Variants in SNX14 observed in about 807,000 individuals in gnomAD.
SNX14 encodes the protein sorting nexin-14.
SNX14 carries 93 observed loss-of-function variants against 133.8 expected under a neutral mutation model. That is an observed-to-expected ratio of 0.70 (90% CI 0.59 to 0.83). The LOEUF (loss-of-function observed/expected upper bound fraction) is 0.83, where lower values mean the gene tolerates loss of function less well. Among genes scored for constraint, SNX14 ranks in the 40% least tolerant of loss-of-function variants. The pLI, the probability that SNX14 is intolerant of heterozygous loss-of-function variation, is 0.00. For synonymous variants in SNX14, 368 were observed against 365.6 expected (o/e 1.01, Z -0.07); for missense variants, 945 against 1,094.9 (o/e 0.86, Z 1.93).
Position 85,548,357 on chromosome 6 carries a change from T to C in SNX14, c.811A>G (p.Arg271Gly). The C allele has an allele frequency of 6.2e-7, 1 of 1,605,912 alleles. No homozygotes were observed. Among genetic ancestry groups the C allele is most frequent in the Non-Finnish European group, 8.5e-7 (1 of 1,176,550 alleles). ...AACACAGAGCCAGACAGAATCTCTC[T>C]TATAAGTAAGGTCAGAGATCTGGAA... ...TDCRSLTLLI[R>G]EILSGSVFLP... Residue 271 changes from arginine (R) to glycine (G), a missense_variant, in exon 9 of 29, where the codon AGA (arginine) becomes GGA (glycine). By Grantham distance (125) the Arg-to-Gly change is moderately radical. Transcript: ENST00000314673.
chr6:85,548,459 G>A (rs1212448749), intron 8 of SNX14, 83 bp from the exon 9 acceptor site: 3 of 1,055,782 alleles, frequency 2.8e-6, no homozygotes, highest in African/African-American at 1.6e-5. Flanking sequence ...AATTACGTAA[G>A]GATCTTGTTA....
rs969746472 is a variant in SNX14, at chr6:85,531,966, T to A, written c.1810+1633A>T. On this transcript the variant is annotated intron_variant, in intron 18 of 28. Coordinates refer to ENST00000314673, the MANE Select transcript of SNX14 (RefSeq NM_153816.6). The stretch of plus-strand genomic sequence containing the variant: ...TCACTTGAACCCGGGAAGTTGAGGC[T>A]GTAGTGAGCCACAGTCATGCCACTG... Among the ~76,000 whole-genome samples, 3 of 152,126 alleles carry A rather than the reference T, an allele frequency of 2.0e-5. No homozygotes were observed. In the South Asian group the frequency reaches 6.2e-4, roughly 32 times the overall value.
Position 85,572,376 on chromosome 6 carries a change from T to G in SNX14, c.262-2A>C. On this transcript the variant is annotated splice_acceptor_variant, in intron 2 of 28. Coordinates refer to ENST00000314673, the MANE Select transcript of SNX14 (RefSeq NM_153816.6). LOFTEE classifies it high-confidence loss of function. The stretch of plus-strand genomic sequence containing the variant: ...AAATAATTCCTGAAGTCCTAACTGC[T>G]AAAAAAGGAAAATGAGAGGTGGTGG... 2 of 1,608,662 alleles carry G rather than the reference T, an allele frequency of 1.2e-6. No individual in the cohort carries two copies. Among genetic ancestry groups the G allele is most frequent in the Non-Finnish European group, 1.7e-6 (2 of 1,178,034 alleles).
At chr6:85,554,793 T>G (rs1789090467) in intron 7 of SNX14, among the ~76,000 whole-genome samples, 1 of 152,088 alleles carries the variant, frequency 6.6e-6, no homozygotes, top group South Asian at 2.1e-4. Flanking sequence ...TTAATCAAAT[T>G]TGTTTATATA....
chr6:85,525,009 CTGGATTTCTGCTGAACTTGTTGCTATT>C (rs1778114159), intron 21 of SNX14, among the ~76,000 whole-genome samples: 1 of 152,098 alleles, frequency 6.6e-6, no homozygotes, highest in Non-Finnish European at 1.5e-5. Flanking sequence ...GATGATCTAT[CTGGATTTCTGCTGAACTTGTTGCTATT>C]TAGACAAACT....
chr6:85,588,467 C>G (rs1801715577), intron 1 of SNX14, among the ~76,000 whole-genome samples: 1 of 151,432 alleles, frequency 6.6e-6, no homozygotes, highest in African/African-American at 2.4e-5. Context: ...GTCCCAGCTA[C>G]TTGGGAGGCT....
intron 4 of SNX14, among the ~76,000 whole-genome samples, chr6:85,569,611 A>C (rs1794949917): frequency 6.6e-6 from 1 of 152,212 alleles, no homozygotes; most frequent in Non-Finnish European, 1.5e-5. Flanking sequence ...GTCATTTGAT[A>C]GTCTCATTTC....
At chr6:85,536,279 A>G (rs1384518808) in intron 17 of SNX14, among the ~76,000 whole-genome samples, 1 of 152,242 alleles carries the variant, frequency 6.6e-6, no homozygotes, top group Non-Finnish European at 1.5e-5. Flanking sequence ...AAATGTTTAT[A>G]TAAGTCAACT....
chr6:85,511,084 ATTTC>A lies in SNX14; in HGVS notation c.2653+2712_2653+2715del, dbSNP rs557679188. Among the ~76,000 whole-genome samples, 63 of 152,266 alleles carry A rather than the reference ATTTC, an allele frequency of 4.1e-4. 1 individual carries two copies. The highest frequency in any genetic ancestry group is 1.3e-3 in the African/African-American group (53 of 41,550). On this transcript the variant is annotated intron_variant, in intron 26 of 28. Coordinates refer to ENST00000314673, the MANE Select transcript of SNX14 (RefSeq NM_153816.6). ...CTCTCTCCATTTATTTAGTTCTTTG[ATTTC>A]TTTAATTAAAGTTTTACAATTTTTC...
intron 26 of SNX14, among the ~76,000 whole-genome samples, chr6:85,512,709 C>T (rs1373250764): frequency 7.9e-5 from 12 of 151,642 alleles, no homozygotes; most frequent in Non-Finnish European, 1.6e-4. Context: ...ATTTAAAAGG[C>T]TGTAGCAATT....
At position 85,593,612 on chromosome 6, in the gene SNX14, A is replaced by G. The variant is rs1803686116; in HGVS notation, c.107T>C (p.Leu36Pro). Residue 36 changes from leucine to proline, a missense_variant, in exon 1 of 29, where the codon CTC (leucine) becomes CCC (proline). Coordinates refer to ENST00000314673, the MANE Select transcript of SNX14 (RefSeq NM_153816.6). Reference sequence around the variant, plus strand: ...AAGCAGGGAGGCGGCGCTGAGACAGAGCAGCAGGAAGCAGAACAGCGGGTA... The same window carrying G: ...AAGCAGGGAGGCGGCGCTGAGACAGGGCAGCAGGAAGCAGAACAGCGGGTA... ...RQYPLFCFLLLCLSAASLLLN... is the reference protein window; with the variant it reads ...RQYPLFCFLLPCLSAASLLLN... The G allele has an allele frequency of 6.2e-7, 1 of 1,613,228 alleles. No individual in the cohort carries two copies.
At chr6:85,554,308 G>GTA (rs550501270) in intron 7 of SNX14, among the ~76,000 whole-genome samples, 58 of 151,522 alleles carry the variant, frequency 3.8e-4, no homozygotes, top group Admixed American at 5.3e-4. Flanking sequence ...ACACACATGT[G>GTA]TATATATATA....
intron 8 of SNX14, 69 bp downstream of exon 8, chr6:85,549,654 T>C (rs979028909): frequency 1.4e-6 from 2 of 1,385,586 alleles, no homozygotes; most frequent in African/African-American, 2.9e-5. Flanking sequence ...ATGCCTATCA[T>C]AACCAAAAAT....
At chr6:85,520,905 T>C (rs2127898032) in intron 21 of SNX14, among the ~76,000 whole-genome samples, 2 of 152,334 alleles carry the variant, frequency 1.3e-5, no homozygotes, top group East Asian at 3.9e-4. Context: ...GTTTGGGCTA[T>C]ACAAAGAACT....
In SNX14 at chr6:85,547,487, T is replaced by G. The variant is rs200498031; in HGVS notation, c.912+19A>C. ...ATTCAATGCAATCTGAAGTGTTTTCTAATATATTCAATACTCACTGGACTG... is the reference window on the plus strand; with the variant it reads ...ATTCAATGCAATCTGAAGTGTTTTCGAATATATTCAATACTCACTGGACTG... On this transcript the variant is annotated intron_variant, in intron 10 of 28. Coordinates refer to ENST00000314673, the MANE Select transcript of SNX14 (RefSeq NM_153816.6). The G allele has an allele frequency of 1.9e-6, 3 of 1,605,902 alleles. No individual in the cohort carries two copies. In the African/African-American group the frequency reaches 4.0e-5, roughly 22 times the overall value.
intron 24 of SNX14, 28 bp downstream of exon 24, chr6:85,514,478 A>T (rs1774098456): frequency 6.2e-7 from 1 of 1,603,148 alleles, no homozygotes; most frequent in Non-Finnish European, 8.5e-7. Context: ...ATGAATGAAA[A>T]ACAAGTCTTA....
chr6:85,527,974 A>C (rs1163583542), intron 20 of SNX14, among the ~76,000 whole-genome samples: 3 of 152,096 alleles, frequency 2.0e-5, no homozygotes, highest in African/African-American at 7.2e-5. Context: ...TTTTACACCA[A>C]GTTCCTTTTT....
rs578214480 is a variant in SNX14 at position 85,510,852 on chromosome 6, G to A, written c.2654-2793C>T. On this transcript the variant is annotated intron_variant, in intron 26 of 28. Transcript: ENST00000314673. ...GCTTTATAGTATGCCTTGAAGAAAG[G>A]TAGTGTCAATCCTGTGACTTTGTTG... Among the ~76,000 whole-genome samples, 22 of 152,252 alleles carry A rather than the reference G, an allele frequency of 1.4e-4. No homozygotes were observed. The South Asian group carries it at 4.1e-3, about 29-fold the overall frequency.
chr6:85,513,947 A>G, intron 25 of SNX14, 52 bp from the exon 26 acceptor site: 1 of 1,563,168 alleles, frequency 6.4e-7, no homozygotes. Context: ...ATTTATACAC[A>G]AAGGATTTCC....
Sources: allele counts gnomAD v4.1 joint callset (sites outside exome capture counted in the v4.1 genomes callset), GRCh38; gene constraint gnomAD v4.1.1; transcripts MANE v1.5; gene names NCBI Gene and HGNC (gene_info 2026-07-23, HGNC 2026-07-21).